Variants in PIP5K1B observed in about 807,000 individuals in gnomAD.
The protein encoded by PIP5K1B is phosphatidylinositol-4-phosphate 5-kinase type 1 beta.
PIP5K1B carries 42 observed loss-of-function variants against 67.0 expected under a neutral mutation model. The observed-to-expected ratio is 0.63, with a 90% confidence interval of 0.49 to 0.81. PIP5K1B has a LOEUF of 0.81. Among genes scored for constraint, PIP5K1B ranks in the 30% least tolerant of loss-of-function variants. PIP5K1B has a pLI of 0.00. For missense variants in PIP5K1B, 459 were observed against 646.3 expected, an observed-to-expected ratio of 0.71 and a Z score of 3.14; for synonymous variants, 214 against 231.4, an observed-to-expected ratio of 0.92 and a Z score of 0.68.
Position 68,991,253 on chromosome 9 carries a change from A to G in PIP5K1B, c.1616A>G (p.Tyr539Cys). The change falls in exon 15 of 16, where the codon TAT (tyrosine) becomes TGT (cysteine). Residue 539 changes from tyrosine to cysteine, a missense_variant. Tyr to Cys is a radical substitution (Grantham distance 194). Around this residue, in one of 2 missense-constraint regions of PIP5K1B, gnomAD observed 169 missense variants for 171.9 expected, o/e 0.98. Coordinates refer to ENST00000265382, the MANE Select transcript of PIP5K1B (RefSeq NM_003558.4). ...GACAATGCTTCTGTGCTTGACGTCTATTTAGTAAGTAATTTTTTAGTTTCC... is the reference window on the plus strand; with the variant it reads ...GACAATGCTTCTGTGCTTGACGTCTGTTTAGTAAGTAATTTTTTAGTTTCC... ...QDDNASVLDVYL is the reference protein window; with the variant it reads ...QDDNASVLDVCL The G allele has an allele frequency of 1.3e-6, 2 of 1,566,864 alleles. No individual in the cohort carries two copies. Among genetic ancestry groups the G allele is most frequent in the South Asian group, 1.1e-5 (1 of 90,112 alleles).
At chr9:68,923,159 T>A (rs1826496647) in intron 11 of PIP5K1B, 143 bp from the exon 12 acceptor site, 1 of 652,186 alleles carries the variant, frequency 1.5e-6, no homozygotes, top group Non-Finnish European at 2.7e-6. Context: ...CCCCACGGGC[T>A]ACAGGACATT....
chr9:68,982,849 G>A (rs1429504676), intron 14 of PIP5K1B, among the ~76,000 whole-genome samples: 1 of 151,936 alleles, frequency 6.6e-6, no homozygotes, highest in Non-Finnish European at 1.5e-5. Flanking sequence ...ATTTGAATTA[G>A]ATGACTTATT....
intron 12 of PIP5K1B, among the ~76,000 whole-genome samples, chr9:68,930,654 T>C (rs2132584395): frequency 6.6e-6 from 1 of 152,014 alleles, no homozygotes; most frequent in East Asian, 1.9e-4. Flanking sequence ...CCTCCCATCA[T>C]GTACCCATTC....
intron 4 of PIP5K1B, among the ~76,000 whole-genome samples, chr9:68,837,438 T>C (rs1834672918): frequency 6.6e-6 from 1 of 152,218 alleles, no homozygotes; most frequent in African/African-American, 2.4e-5. Context: ...ATTTGCATTA[T>C]TATTGTAAGT....
chr9:69,007,527 C>G (rs1050383862), intron 15 of PIP5K1B, among the ~76,000 whole-genome samples: 1 of 152,114 alleles, frequency 6.6e-6, no homozygotes, highest in African/African-American at 2.4e-5. Flanking sequence ...CAACAAGGTT[C>G]CAAGAAGATG....
chr9:68,746,946 C>T (rs1468638257), intron 2 of PIP5K1B, among the ~76,000 whole-genome samples: 1 of 152,178 alleles, frequency 6.6e-6, no homozygotes, highest in Admixed American at 6.5e-5. Flanking sequence ...CACACCAGAC[C>T]TGTCCCTGCC....
intron 15 of PIP5K1B, among the ~76,000 whole-genome samples, chr9:68,998,822 G>A (rs1339073215): frequency 6.6e-6 from 1 of 152,096 alleles, no homozygotes; most frequent in Non-Finnish European, 1.5e-5. Context: ...AGGACTATTC[G>A]GTTTATAAAA....
chr9:68,786,345 C>T (rs1176943985), intron 2 of PIP5K1B, among the ~76,000 whole-genome samples: 1 of 152,170 alleles, frequency 6.6e-6, no homozygotes, highest in Non-Finnish European at 1.5e-5. Context: ...CTCATGACAA[C>T]CCTGTGAGGC....
rs192299023 is a variant in PIP5K1B, at chr9:68,878,425, C to T, written c.318+1631C>T. Among the ~76,000 whole-genome samples, 3 of 152,274 alleles carry T rather than the reference C, an allele frequency of 2.0e-5. No homozygotes were observed. In the East Asian group the frequency reaches 5.8e-4, roughly 29 times the overall value. ...TTTTCTGAACAACTTCCCACACAGC[C>T]TCCCCAAGTTTCCTAATGAGTCTTT... On this transcript the variant is annotated intron_variant, in intron 6 of 15. Coordinates refer to ENST00000265382, the MANE Select transcript of PIP5K1B (RefSeq NM_003558.4).
At chr9:68,916,328 A>G (rs1422438051) in intron 8 of PIP5K1B, among the ~76,000 whole-genome samples, 1 of 152,178 alleles carries the variant, frequency 6.6e-6, no homozygotes, top group Non-Finnish European at 1.5e-5. Flanking sequence ...CTTCCGTCTG[A>G]AAAGGTCCTG....
At position 68,991,271 on chromosome 9, in the gene PIP5K1B, T is replaced by C. The variant is rs1830353902; in HGVS notation, c.1620+14T>C. ...GACGTCTATTTAGTAAGTAATTTTT[T>C]AGTTTCCTCTCCTCCACTTCTGGTT... is the stretch of plus-strand genomic sequence containing the variant. On this transcript the variant is annotated intron_variant, in intron 15 of 15. Coordinates refer to ENST00000265382, the MANE Select transcript of PIP5K1B (RefSeq NM_003558.4). 2 of 1,358,772 alleles carry C rather than the reference T, an allele frequency of 1.5e-6. No homozygotes were observed. The highest frequency in any genetic ancestry group is 2.3e-5 in the East Asian group (1 of 43,718). The allele number at this position is 1,358,772 out of a possible 1,614,324, so 84.2% of individuals were successfully genotyped here. A position where few individuals can be genotyped will look rare whatever the true frequency, so the allele number is the denominator to read the frequency against.
chr9:68,761,880 T>G (rs1397283819), intron 2 of PIP5K1B, among the ~76,000 whole-genome samples: 1 of 152,120 alleles, frequency 6.6e-6, no homozygotes, highest in African/African-American at 2.4e-5. Flanking sequence ...AGTCACAGTT[T>G]CCAGGGGTAA....
intron 5 of PIP5K1B, among the ~76,000 whole-genome samples, chr9:68,871,478 C>G (rs1404769833): frequency 6.6e-6 from 1 of 152,138 alleles, no homozygotes; most frequent in South Asian, 2.1e-4. Context: ...TCTGAACATA[C>G]GTTGCCATTA....
chr9:68,824,542 A>AT (rs1833888542), intron 4 of PIP5K1B, among the ~76,000 whole-genome samples: 1 of 152,156 alleles, frequency 6.6e-6, no homozygotes, highest in African/African-American at 2.4e-5. Flanking sequence ...TTAATGAACA[A>AT]TTTTTTATGT....
chr9:68,790,171 T>C (rs965822569), intron 2 of PIP5K1B, among the ~76,000 whole-genome samples: 2 of 152,226 alleles, frequency 1.3e-5, no homozygotes, highest in African/African-American at 4.8e-5. Context: ...TTACCTCTTC[T>C]TTCCCTGTGA....
At chr9:68,707,937 C>T (rs1171850577) in intron 1 of PIP5K1B, 6 of 152,092 alleles carry the variant, frequency 3.9e-5, no homozygotes, top group Non-Finnish European at 8.8e-5. Context: ...CCAACTTTAG[C>T]ATTTTGTGAT....
At chr9:68,944,251 A>T (rs1002687662) in intron 14 of PIP5K1B, among the ~76,000 whole-genome samples, 1 of 152,238 alleles carries the variant, frequency 6.6e-6, no homozygotes, top group African/African-American at 2.4e-5. Context: ...TACTAGTAAG[A>T]AGTCTGTTCT....
intron 14 of PIP5K1B, among the ~76,000 whole-genome samples, chr9:68,948,494 A>G (rs1226548553): frequency 6.6e-6 from 1 of 152,016 alleles, no homozygotes; most frequent in Non-Finnish European, 1.5e-5. Context: ...ACAACAAAAA[A>G]CACATCTGAG....
At chr9:68,713,935 A>G (rs1433343208) in intron 1 of PIP5K1B, among the ~76,000 whole-genome samples, 1 of 152,202 alleles carries the variant, frequency 6.6e-6, no homozygotes, top group Non-Finnish European at 1.5e-5. Flanking sequence ...AGGGAAACCT[A>G]GTCAGGTTAG....
Sources: gnomAD v4.1 joint callset for allele counts (sites outside exome capture counted in the v4.1 genomes callset) on GRCh38, gnomAD v4.1.1 for gene constraint, gnomAD v4.1.1 regional missense constraint, MANE v1.5 for transcripts, NCBI Gene and HGNC (gene_info 2026-07-23, HGNC 2026-07-21) for gene names.